Variants in CELF5 observed in about 807,000 individuals in gnomAD.
The protein encoded by CELF5 is CUGBP Elav-like family member 5.
CELF5 carries 6 observed loss-of-function variants against 54.9 expected under a neutral mutation model. The observed-to-expected ratio is 0.11, with a 90% CI of 0.06 to 0.22. The LOEUF (loss-of-function observed/expected upper bound fraction) is 0.22, where lower values mean the gene tolerates loss of function less well. Among genes scored for constraint, CELF5 ranks in the 10% least tolerant of loss-of-function variants. The pLI is 1.00. For synonymous variants in CELF5, 271 were observed against 290.9 expected, an observed-to-expected ratio of 0.93 and a Z score of 0.70; for missense variants, 401 against 678.6, an observed-to-expected ratio of 0.59 and a Z score of 4.54.
rs2080217280 is a variant in CELF5 at position 3,285,106 on chromosome 19, C to A, written c.1102+142C>A. On this transcript the variant is annotated intron_variant, in intron 9 of 12. Coordinates refer to ENST00000292672, the MANE Select transcript of CELF5 (RefSeq NM_021938.4). Reference sequence around the variant, plus strand: ...CTGGCCCCGCCCCTCAGGGCCCACCCTTAGCCCCTTGTCCTGTATTCAACC... The same window carrying A: ...CTGGCCCCGCCCCTCAGGGCCCACCATTAGCCCCTTGTCCTGTATTCAACC... 9.1e-6 allele frequency: 6 copies of A among 659,604 alleles called. No homozygotes were observed. In the South Asian group the frequency reaches 1.1e-4, roughly 12 times the overall value. 40.9% of individuals were successfully genotyped at this position (659,604 alleles called of 1,614,324 possible).
intron 1 of CELF5, among the ~76,000 whole-genome samples, chr19:3,240,993 A>G (rs888193280): frequency 2.6e-5 from 4 of 151,776 alleles, no homozygotes; most frequent in East Asian, 1.9e-4. Flanking sequence ...TTGATCCCCA[A>G]TGTACCCTTG....
At chr19:3,263,159 T>C (rs916117357) in intron 2 of CELF5, among the ~76,000 whole-genome samples, 2 of 135,328 alleles carry the variant, frequency 1.5e-5, no homozygotes, top group African/African-American at 5.6e-5. Context: ...AGGCATGAGA[T>C]TGGCTTGGAT....
intron 1 of CELF5, among the ~76,000 whole-genome samples, chr19:3,231,870 GTGAA>G (rs1917283239): frequency 6.6e-6 from 1 of 151,388 alleles, no homozygotes; most frequent in Admixed American, 6.6e-5. Context: ...GAGTGAATGA[GTGAA>G]TGAATAGATG....
chr19:3,227,516 G>A (rs403458), intron 1 of CELF5, among the ~76,000 whole-genome samples: 1 of 152,066 alleles, frequency 6.6e-6, no homozygotes, highest in African/African-American at 2.4e-5. Context: ...TGCCCGGCGG[G>A]GCCCATGAGA....
At position 3,226,363 on chromosome 19, in the gene CELF5, G is replaced by T. The variant is rs73517113; in HGVS notation, c.259+1365G>T. Among the ~76,000 whole-genome samples, 1,235 of 151,582 alleles carry T rather than the reference G, an allele frequency of 8.1e-3. 16 individuals carry two copies. Among genetic ancestry groups the T allele is most frequent in the African/African-American group, 0.029 (1,180 of 41,276 alleles). On this transcript the variant is annotated intron_variant, in intron 1 of 12. Transcript: ENST00000292672. ...GATGGGGCCCAGGCCTGTCACTTCA[G>T]CTAGACCCTCCAGCTGGTTATCTTG... is the stretch of plus-strand genomic sequence containing the variant.
At chr19:3,258,353 C>G (rs1023967430) in intron 2 of CELF5, among the ~76,000 whole-genome samples, 13 of 151,988 alleles carry the variant, frequency 8.6e-5, no homozygotes, top group African/African-American at 2.7e-4. Context: ...AACTCCTGAC[C>G]TCAAGCAATC....
chr19:3,291,170 G>T (rs1296433124), intron 11 of CELF5, among the ~76,000 whole-genome samples: 1 of 151,996 alleles, frequency 6.6e-6, no homozygotes, highest in African/African-American at 2.4e-5. Context: ...GGAGATGGAG[G>T]TGGGACGATC....
chr19:3,271,625 A>G (rs972502691), intron 2 of CELF5, among the ~76,000 whole-genome samples: 7 of 152,036 alleles, frequency 4.6e-5, no homozygotes, highest in African/African-American at 7.2e-5. Context: ...GGGTGTCAGA[A>G]TGGGAGAGGG....
At chr19:3,285,535 C>A (rs1352905573) in intron 9 of CELF5, among the ~76,000 whole-genome samples, 8 of 145,230 alleles carry the variant, frequency 5.5e-5, no homozygotes, top group Non-Finnish European at 1.1e-4. Flanking sequence ...CCCAGTCTTG[C>A]CCCCGCCCTC....
chr19:3,237,184 A>C (rs1454651310), intron 1 of CELF5, among the ~76,000 whole-genome samples: 3 of 148,220 alleles, frequency 2.0e-5, no homozygotes, highest in Non-Finnish European at 4.5e-5. Context: ...TGGTGGCAGG[A>C]ACCTGTAGTC....
chr19:3,225,791 C>T (rs1017557685), intron 1 of CELF5, among the ~76,000 whole-genome samples: 4 of 150,694 alleles, frequency 2.7e-5, no homozygotes, highest in Non-Finnish European at 5.9e-5. Flanking sequence ...CCCGCCTCCA[C>T]CTTGGGCTCA....
At chr19:3,243,901 G>A (rs1003474117) in intron 1 of CELF5, among the ~76,000 whole-genome samples, 2 of 151,524 alleles carry the variant, frequency 1.3e-5, no homozygotes, top group African/African-American at 4.9e-5. Context: ...TTTTATAAGG[G>A]CACCAGTCTT....
At chr19:3,248,188 C>T (rs1454445436) in intron 1 of CELF5, among the ~76,000 whole-genome samples, 1 of 152,266 alleles carries the variant, frequency 6.6e-6, no homozygotes, top group East Asian at 1.9e-4. Context: ...CAGGGTCTCA[C>T]TCTGTTGCCT....
At chr19:3,241,659 G>T (rs1162737599) in intron 1 of CELF5, among the ~76,000 whole-genome samples, 1 of 152,020 alleles carries the variant, frequency 6.6e-6, no homozygotes, top group South Asian at 2.1e-4. Flanking sequence ...CTTCCTTCAG[G>T]GGATCCCTCT....
intron 4 of CELF5, among the ~76,000 whole-genome samples, chr19:3,276,764 G>A (rs890297292): frequency 2.0e-5 from 3 of 151,500 alleles, no homozygotes; most frequent in Non-Finnish European, 2.9e-5. Flanking sequence ...TTATGGATGG[G>A]GATGCAGGGG....
intron 2 of CELF5, among the ~76,000 whole-genome samples, chr19:3,272,851 G>C (rs956518645): frequency 2.6e-5 from 4 of 152,202 alleles, no homozygotes; most frequent in African/African-American, 9.6e-5. Context: ...CCCAGGACCA[G>C]TGGAGATGCA....
intron 2 of CELF5, among the ~76,000 whole-genome samples, chr19:3,254,720 A>G (rs2079697486): frequency 6.8e-6 from 1 of 147,268 alleles, no homozygotes; most frequent in Non-Finnish European, 1.5e-5. Flanking sequence ...TCCATCTACC[A>G]TTCATCCATT....
At chr19:3,231,466 ATGG>A (rs1917249599) in intron 1 of CELF5, among the ~76,000 whole-genome samples, 1 of 148,092 alleles carries the variant, frequency 6.8e-6, no homozygotes, top group Non-Finnish European at 1.5e-5. Context: ...GGATGGATGG[ATGG>A]ATGGATGGAT....
chr19:3,240,356 C>T (rs1284436474), intron 1 of CELF5, among the ~76,000 whole-genome samples: 1 of 150,674 alleles, frequency 6.6e-6, no homozygotes, highest in East Asian at 2.0e-4. Flanking sequence ...GATGGGGTCT[C>T]ACTCTGTCAT....
Sources: allele counts gnomAD v4.1 joint callset (sites outside exome capture counted in the v4.1 genomes callset), GRCh38; gene constraint gnomAD v4.1.1; transcripts MANE v1.5; gene names NCBI Gene and HGNC (gene_info 2026-07-23, HGNC 2026-07-21).